Variants in PREX1 observed in about 807,000 individuals in gnomAD.
PREX1 encodes phosphatidylinositol 3,4,5-trisphosphate-dependent Rac exchanger 1 protein.
PREX1 carries 41 observed loss-of-function variants against 198.3 expected under a neutral mutation model. That is an observed-to-expected ratio of 0.21 (90% CI 0.16 to 0.27). PREX1 has a LOEUF of 0.27. PREX1 is among the 10% of genes least tolerant of loss of function. The pLI is 1.00. For synonymous variants in PREX1, 843 were observed against 887.2 expected (o/e 0.95, Z 0.89); for missense variants, 1,620 against 2,200.7 (o/e 0.74, Z 5.28).
At chr20:48,708,103 A>G (rs1296034980) in intron 6 of PREX1, among the ~76,000 whole-genome samples, 157 bp downstream of exon 6, 1 of 152,224 alleles carries the variant, frequency 6.6e-6, no homozygotes, top group Non-Finnish European at 1.5e-5. Flanking sequence ...TTGTATTTGG[A>G]TTTAATTGAA....
intron 16 of PREX1, among the ~76,000 whole-genome samples, chr20:48,658,999 C>T (rs184086931): frequency 1.8e-3 from 276 of 151,954 alleles, no homozygotes; most frequent in African/African-American, 5.8e-3. Flanking sequence ...GAGGCCGAGA[C>T]GGGTTGATCG....
the PREX1 span, among the ~76,000 whole-genome samples, chr20:48,845,377 T>C: frequency 6.6e-6 from 1 of 152,158 alleles, no homozygotes; most frequent in African/African-American, 2.4e-5. Context: ...GAGATCTAAA[T>C]GCACAGCCAA....
intron 10 of PREX1, among the ~76,000 whole-genome samples, chr20:48,686,273 G>A (rs750887142): frequency 6.6e-6 from 1 of 152,228 alleles, no homozygotes; most frequent in Middle Eastern, 3.2e-3. Flanking sequence ...AGAAGATTCA[G>A]TAGCGGGACC....
the PREX1 span, among the ~76,000 whole-genome samples, chr20:48,842,218 G>A: frequency 1.3e-5 from 2 of 152,138 alleles, no homozygotes; most frequent in African/African-American, 4.8e-5. Flanking sequence ...TAAGAATGTG[G>A]CACATAGAGT....
At chr20:48,766,146 A>G (rs532776167) in intron 1 of PREX1, among the ~76,000 whole-genome samples, 9 of 152,312 alleles carry the variant, frequency 5.9e-5, no homozygotes, top group African/African-American at 1.7e-4. Flanking sequence ...TAATTATTTC[A>G]TTATATGTTA....
At chr20:48,885,875 T>C in the PREX1 span, among the ~76,000 whole-genome samples, 1 of 152,040 alleles carries the variant, frequency 6.6e-6, no homozygotes, top group Non-Finnish European at 1.5e-5. Context: ...ATGGGGACTG[T>C]AAAAAGATTA....
intron 19 of PREX1, 61 bp downstream of exon 19, chr20:48,655,229 C>T: frequency 1.4e-6 from 2 of 1,434,198 alleles, no homozygotes; most frequent in Admixed American, 2.1e-5. Flanking sequence ...TGAACTCCTG[C>T]CACACAGACA....
In PREX1 at chr20:48,625,597, G is replaced by A. The variant is rs879194631; in HGVS notation, c.*288C>T. 1.8e-5 allele frequency: 7 copies of A among 382,422 alleles called. No individual in the cohort carries two copies. Among genetic ancestry groups the A allele is most frequent in the South Asian group, 5.7e-5 (1 of 17,542 alleles). The allele number at this position is 382,422 out of a possible 1,614,324, so 23.7% of individuals were successfully genotyped here. On this transcript the variant is annotated 3_prime_UTR_variant, in exon 40 of 40. Coordinates refer to ENST00000371941, the MANE Select transcript of PREX1 (RefSeq NM_020820.4). ...CTTGGGTTCTGGGGACGCAGGAGCC[G>A]AAGGCCAGGCACCAGCTGCTCCCAT...
At chr20:48,714,231 C>T (rs995571751) in intron 5 of PREX1, among the ~76,000 whole-genome samples, 1 of 152,164 alleles carries the variant, frequency 6.6e-6, no homozygotes, top group South Asian at 2.1e-4. Flanking sequence ...AAATAGATAA[C>T]GTGAATTTCA....
chr20:48,751,115 A>G (rs1242161257), intron 1 of PREX1, among the ~76,000 whole-genome samples: 1 of 152,230 alleles, frequency 6.6e-6, no homozygotes, highest in Non-Finnish European at 1.5e-5. Context: ...AAGGTTTGGA[A>G]TGCGCCTGGC....
chr20:48,822,965 A>T (rs2090493235), intron 1 of PREX1, among the ~76,000 whole-genome samples: 1 of 152,158 alleles, frequency 6.6e-6, no homozygotes, highest in Non-Finnish European at 1.5e-5. Context: ...CTAGTGTGAG[A>T]CTAGGAGTAC....
chr20:48,721,093 T>A (rs959570659), intron 5 of PREX1, among the ~76,000 whole-genome samples: 1 of 152,152 alleles, frequency 6.6e-6, no homozygotes, highest in Non-Finnish European at 1.5e-5. Context: ...AACTTTCACA[T>A]AAAAGTCCCA....
At chr20:48,739,714 A>G (rs181566714) in intron 3 of PREX1, among the ~76,000 whole-genome samples, 1 of 152,332 alleles carries the variant, frequency 6.6e-6, no homozygotes, top group African/African-American at 2.4e-5. Flanking sequence ...GATGCTTACT[A>G]TGTATTTCAG....
At chr20:48,671,839 A>G (rs1244040686) in intron 14 of PREX1, among the ~76,000 whole-genome samples, 1 of 152,228 alleles carries the variant, frequency 6.6e-6, no homozygotes, top group South Asian at 2.1e-4. Flanking sequence ...CTCCTGCGTC[A>G]GCTCCAGTTA....
At chr20:48,657,488 T>A (rs535895310) in intron 17 of PREX1, among the ~76,000 whole-genome samples, 2 of 152,218 alleles carry the variant, frequency 1.3e-5, no homozygotes, top group African/African-American at 4.8e-5. Context: ...GGGGTGGCCA[T>A]CTTATGTCTG....
At chr20:48,643,474 A>C (rs1181133185) in intron 27 of PREX1, among the ~76,000 whole-genome samples, 2 of 151,510 alleles carry the variant, frequency 1.3e-5, no homozygotes, top group Non-Finnish European at 2.9e-5. Context: ...TCTCAAAAAA[A>C]AATTTAAAAA....
At chr20:48,879,103 T>G in the PREX1 span, among the ~76,000 whole-genome samples, 3 of 152,196 alleles carry the variant, frequency 2.0e-5, no homozygotes, top group Non-Finnish European at 4.4e-5. Context: ...GTAGGTACCC[T>G]TCTTTGCTCA....
intron 1 of PREX1, among the ~76,000 whole-genome samples, chr20:48,815,764 G>T (rs139706425): frequency 6.6e-6 from 1 of 152,084 alleles, no homozygotes; most frequent in African/African-American, 2.4e-5. Context: ...CAGCACTTTG[G>T]GAGTCAGCCG....
chr20:48,786,140 G>A (rs1447694008), intron 1 of PREX1, among the ~76,000 whole-genome samples: 2 of 152,156 alleles, frequency 1.3e-5, no homozygotes, highest in Admixed American at 6.5e-5. Flanking sequence ...GGTGAGTCGG[G>A]GAGGTGAGGT....
Sources: gnomAD v4.1 joint callset for allele counts (sites outside exome capture counted in the v4.1 genomes callset) on GRCh38, gnomAD v4.1.1 for gene constraint, MANE v1.5 for transcripts, NCBI Gene and HGNC (gene_info 2026-07-23, HGNC 2026-07-21) for gene names.